The following TRIM5 variants were observed in gnomAD, a reference collection of about 807,000 sequenced individuals.
The protein encoded by TRIM5 is tripartite motif containing 5.
A neutral mutation model predicts 35.6 loss-of-function variants in TRIM5; 31 were observed. The observed-to-expected ratio is 0.87, with a 90% CI of 0.65 to 1.18. The LOEUF is 1.18. Ranked by LOEUF, TRIM5 falls within the 50% of genes most tolerant of loss-of-function variation. The probability of loss-of-function intolerance (pLI) is 0.00; values close to 1 mark genes in which losing one functional copy is unlikely to be tolerated. For missense variants in TRIM5, 609 were observed against 591.6 expected (o/e 1.03, Z -0.31); for synonymous variants, 243 against 215.6 (o/e 1.13, Z -1.11).
chr11:5,675,350 G>A (rs10838520), intron 4 of TRIM5, among the ~76,000 whole-genome samples: 81,543 of 151,830 alleles, frequency 0.54, 24,765 homozygotes, highest in Non-Finnish European at 0.69. Context: ...AAGGTGCCCT[G>A]GGGTTCCGAG....
the TRIM5 span, among the ~76,000 whole-genome samples, chr11:5,655,164 G>A: frequency 6.7e-6 from 1 of 150,132 alleles, no homozygotes; most frequent in African/African-American, 2.5e-5. Context: ...TTGCACTCCA[G>A]CTTGGGCAAC....
chr11:5,593,243 G>A, the TRIM5 span, among the ~76,000 whole-genome samples: 16 of 152,166 alleles, frequency 1.1e-4, no homozygotes, highest in Non-Finnish European at 1.8e-4. Context: ...AAACTACCCT[G>A]ATTCTTAATC....
chr11:5,645,317 G>C, the TRIM5 span, among the ~76,000 whole-genome samples: 1 of 151,786 alleles, frequency 6.6e-6, no homozygotes, highest in East Asian at 1.9e-4. Flanking sequence ...GCTTGAACCT[G>C]GGAGGCGGAG....
intron 4 of TRIM5, among the ~76,000 whole-genome samples, chr11:5,670,742 C>T (rs1224017753): frequency 6.6e-6 from 1 of 151,622 alleles, no homozygotes; most frequent in African/African-American, 2.4e-5. Flanking sequence ...TTGAACATAA[C>T]TTATATTCGA....
At chr11:5,594,461 C>T in the TRIM5 span, among the ~76,000 whole-genome samples, 17 of 152,180 alleles carry the variant, frequency 1.1e-4, no homozygotes, top group South Asian at 4.2e-4. Context: ...AGGCACGTAC[C>T]GCTATGCCTG....
At chr11:5,643,814 G>A in the TRIM5 span, 2 of 1,419,824 alleles carry the variant, frequency 1.4e-6, no homozygotes, top group East Asian at 2.3e-5. Flanking sequence ...CCCTTCTTTA[G>A]AACTTTTACT....
At chr11:5,641,220 TGA>T in the TRIM5 span, 2 of 1,613,788 alleles carry the variant, frequency 1.2e-6, no homozygotes, top group Non-Finnish European at 1.7e-6. Context: ...GTGGTGCTTG[TGA>T]GTTATAAAGA....
At chr11:5,626,700 T>G in the TRIM5 span, 1 of 152,052 alleles carries the variant, frequency 6.6e-6, no homozygotes, top group African/African-American at 2.4e-5. Flanking sequence ...GCCAATGTGG[T>G]GAAACTGTGT....
rs943196993 is a variant in TRIM5 at position 5,680,215 on chromosome 11, G to A, written c.-38C>T. 1 of 1,541,420 alleles carries A rather than the reference G, an allele frequency of 6.5e-7. No homozygotes were observed. The stretch of plus-strand genomic sequence containing the variant: ...ACTGCTCCTGCCTGTCCTGGCTGCT[G>A]AGGTTCCTCTTGTTCACAGATCCCT... On this transcript the variant is annotated 5_prime_UTR_variant, in exon 2 of 8. Transcript: ENST00000380034.
intron 4 of TRIM5, among the ~76,000 whole-genome samples, chr11:5,674,031 T>C (rs1352079970): frequency 6.6e-6 from 1 of 151,330 alleles, no homozygotes; most frequent in Admixed American, 6.6e-5. Flanking sequence ...ATAATAAAGA[T>C]CAGAGCAGAA....
At chr11:5,634,970 G>T in the TRIM5 span, 737 of 1,184,538 alleles carry the variant, frequency 6.2e-4, 5 homozygotes, top group African/African-American at 9.7e-3. Flanking sequence ...TTGCAGTGCC[G>T]CCTTGTCGTC....
the TRIM5 span, among the ~76,000 whole-genome samples, chr11:5,591,896 G>C: frequency 1.3e-5 from 2 of 151,714 alleles, no homozygotes; most frequent in African/African-American, 4.9e-5. Context: ...CTTTAGCCCC[G>C]GGGGGCTGTG....
chr11:5,596,751 A>T, the TRIM5 span: 1 of 1,246,640 alleles, frequency 8.0e-7, no homozygotes, highest in Non-Finnish European at 1.2e-6. Context: ...GGAACGGAGC[A>T]GAGTCGTGCG....
chr11:5,628,145 T>C, the TRIM5 span, among the ~76,000 whole-genome samples: 1 of 152,224 alleles, frequency 6.6e-6, no homozygotes, highest in Admixed American at 6.5e-5. Flanking sequence ...TTTCTCATTC[T>C]TTTGCCATTA....
chr11:5,616,177 T>G, the TRIM5 span, among the ~76,000 whole-genome samples: 1 of 129,816 alleles, frequency 7.7e-6, no homozygotes, highest in South Asian at 2.4e-4. Flanking sequence ...GGTCTCGATC[T>G]CCTGACTTCG....
Position 5,679,923 on chromosome 11 carries a change from C to T in TRIM5, c.255G>A (p.Leu85=). ...GATCAACTTTCTGCCCCTCTGGGCT[C>T]AACTTGACCTCCCTGAGCTTCTCCA... ...NIVEKLREVK[L]SPEGQKVDHC... The change falls in exon 2 of 8, where the codon TTG becomes TTA. Residue 85 remains leucine, a synonymous_variant. Coordinates refer to ENST00000380034, the MANE Select transcript of TRIM5 (RefSeq NM_033034.3). The T allele has an allele frequency of 6.2e-7, 1 of 1,614,070 alleles. No individual in the cohort carries two copies. The highest frequency in any genetic ancestry group is 8.5e-7 in the Non-Finnish European group (1 of 1,180,028).
the TRIM5 span, chr11:5,610,711 C>G: frequency 6.3e-7 from 1 of 1,581,648 alleles, no homozygotes; most frequent in Non-Finnish European, 8.6e-7. Context: ...CCTGTGTTTC[C>G]TCTTCTCAGC....
At chr11:5,612,851 C>CAAAA in the TRIM5 span, 85 of 152,256 alleles carry the variant, frequency 5.6e-4, no homozygotes, top group African/African-American at 2.0e-3. Flanking sequence ...ATACCTACTT[C>CAAAA]AAAAAATAAT....
At chr11:5,628,001 G>A in the TRIM5 span, among the ~76,000 whole-genome samples, 2 of 152,210 alleles carry the variant, frequency 1.3e-5, no homozygotes, top group Non-Finnish European at 2.9e-5. Flanking sequence ...ATGGTAACCA[G>A]GTAACCTGGG....
Sources: allele counts gnomAD v4.1 joint callset (sites outside exome capture counted in the v4.1 genomes callset), GRCh38; gene constraint gnomAD v4.1.1; transcripts MANE v1.5; gene names NCBI Gene and HGNC (gene_info 2026-07-23, HGNC 2026-07-21).